SIPA1L1: variants seen among roughly 807,000 people sequenced by gnomAD.
SIPA1L1 encodes the protein signal induced proliferation associated 1 like 1, also known as signal-induced proliferation-associated 1-like protein 1.
A neutral mutation model predicts 162.7 loss-of-function variants in SIPA1L1; 26 were observed. The ratio of observed to expected loss-of-function variants is 0.16; its 90% CI spans 0.12 to 0.22. SIPA1L1 has a LOEUF of 0.22. SIPA1L1 is among the 10% of genes least tolerant of loss of function. SIPA1L1 has a pLI of 1.00. For missense variants in SIPA1L1, 1,874 were observed against 2,241.0 expected (o/e 0.84, Z 3.31); for synonymous variants, 829 against 837.4 (o/e 0.99, Z 0.17).
At chr14:71,737,530 C>T (rs2085410505) in intron 22 of SIPA1L1, among the ~76,000 whole-genome samples, 1 of 152,036 alleles carries the variant, frequency 6.6e-6, no homozygotes, top group Non-Finnish European at 1.5e-5. Flanking sequence ...CGTGCCCAGC[C>T]ATGCCGTCTG....
At chr14:71,401,704 T>A (rs981070454) in intron 2 of SIPA1L1, among the ~76,000 whole-genome samples, 3 of 152,072 alleles carry the variant, frequency 2.0e-5, no homozygotes, top group Non-Finnish European at 4.4e-5. Flanking sequence ...ACTAAAAATA[T>A]AAAATGTTAA....
intron 16 of SIPA1L1, among the ~76,000 whole-genome samples, chr14:71,706,741 G>A (rs1011688178): frequency 1.1e-4 from 16 of 152,138 alleles, no homozygotes; most frequent in African/African-American, 3.4e-4. Flanking sequence ...TCACTTTGAG[G>A]TGAAACTGGT....
intron 2 of SIPA1L1, among the ~76,000 whole-genome samples, chr14:71,469,530 A>G: frequency 6.6e-6 from 1 of 152,324 alleles, no homozygotes; most frequent in East Asian, 1.9e-4. Context: ...GCTGGAATGA[A>G]TGAGTGAGTG....
At chr14:71,322,969 T>C (rs755207465) in intron 2 of SIPA1L1, among the ~76,000 whole-genome samples, 1 of 152,252 alleles carries the variant, frequency 6.6e-6, no homozygotes, top group Non-Finnish European at 1.5e-5. Context: ...TGGAGGAGTC[T>C]ATGGCAAGGT....
chr14:71,552,460 C>T (rs1451579012), intron 4 of SIPA1L1, among the ~76,000 whole-genome samples: 3 of 151,058 alleles, frequency 2.0e-5, no homozygotes, highest in South Asian at 2.1e-4. Context: ...GGCACAATCT[C>T]GGCTCACTGC....
At chr14:71,488,665 A>G (rs529394625) in intron 2 of SIPA1L1, among the ~76,000 whole-genome samples, 58 of 152,332 alleles carry the variant, frequency 3.8e-4, no homozygotes, top group African/African-American at 1.3e-3. Context: ...ACAAAATTCA[A>G]AAGAAAACTC....
chr14:71,474,517 G>T (rs1426775441), intron 2 of SIPA1L1, among the ~76,000 whole-genome samples: 1 of 152,168 alleles, frequency 6.6e-6, no homozygotes, highest in East Asian at 1.9e-4. Flanking sequence ...TGATAAAGAA[G>T]ACAAAGCCTA....
chr14:71,572,314 A>T (rs920840102), intron 4 of SIPA1L1, among the ~76,000 whole-genome samples: 1 of 152,196 alleles, frequency 6.6e-6, no homozygotes, highest in Non-Finnish European at 1.5e-5. Context: ...TTCGGACCAT[A>T]GCAACCTTGA....
chr14:71,528,851 G>C (rs1406604085), intron 3 of SIPA1L1: 1 of 152,358 alleles, frequency 6.6e-6, no homozygotes, highest in African/African-American at 2.4e-5. Flanking sequence ...GGTGGCTCAT[G>C]CCTGTAATCC....
chr14:71,391,610 T>A (rs2040765385), intron 2 of SIPA1L1, among the ~76,000 whole-genome samples: 1 of 152,244 alleles, frequency 6.6e-6, no homozygotes, highest in Non-Finnish European at 1.5e-5. Flanking sequence ...TAAAGGTCAG[T>A]GCTAGCCAAG....
rs1158626436 is a variant in SIPA1L1, at chr14:71,590,037, AAAAAAAAATATATATAT to A, written c.1498+669_1498+685del. Among the ~76,000 whole-genome samples, 5 of 73,638 alleles carry A rather than the reference AAAAAAAAATATATATAT, an allele frequency of 6.8e-5. No individual in the cohort carries two copies. The South Asian group carries it at 1.8e-3, about 26-fold the overall frequency. 48.3% of individuals were successfully genotyped at this position (73,638 alleles called of 152,430 possible). On this transcript the variant is annotated intron_variant, in intron 5 of 23. Coordinates refer to ENST00000381232, the MANE Select transcript of SIPA1L1 (RefSeq NM_001386936.1). ...GTGGGAGAGTAAAAAAAAAAAAAAA[AAAAAAAAATATATATAT>A]ATATATATATATATATATATATGTA...
chr14:71,331,414 C>T lies in SIPA1L1; in HGVS notation c.-465+10233C>T, dbSNP rs528525608. 6.6e-4 allele frequency among the ~76,000 whole-genome samples: 100 copies of T among 152,256 alleles called. No homozygotes were observed. In the South Asian group the frequency reaches 7.9e-3, roughly 12 times the overall value. On this transcript the variant is annotated intron_variant, in intron 2 of 23. Transcript: ENST00000381232. The stretch of plus-strand genomic sequence containing the variant: ...AGAATTTTTCCTGTTTTTGAAGGAT[C>T]GAGACACACTTAGAGAATGAGGTAA...
chr14:71,389,421 TTGA>T (rs1234619775), intron 2 of SIPA1L1, among the ~76,000 whole-genome samples: 1 of 152,210 alleles, frequency 6.6e-6, no homozygotes, highest in Admixed American at 6.5e-5. Flanking sequence ...AGATACATGA[TTGA>T]TGATCATTGC....
rs185177879 is a variant in SIPA1L1 at position 71,385,229 on chromosome 14, T to G, written c.-465+64048T>G. ...GTGCCCAACAGGGTAGAGACAGTCTTCCTCAACATGGTCAAGGTCATAACT... is the reference window on the plus strand; with the variant it reads ...GTGCCCAACAGGGTAGAGACAGTCTGCCTCAACATGGTCAAGGTCATAACT... On this transcript the variant is annotated intron_variant, in intron 2 of 23. Coordinates refer to ENST00000381232, the MANE Select transcript of SIPA1L1 (RefSeq NM_001386936.1). 7.4e-4 allele frequency among the ~76,000 whole-genome samples: 112 copies of G among 152,316 alleles called. 2 individuals carry two copies. In the East Asian group the frequency reaches 8.7e-3, roughly 12 times the overall value.
chr14:71,562,013 T>C (rs2056835093), intron 4 of SIPA1L1, among the ~76,000 whole-genome samples: 1 of 152,182 alleles, frequency 6.6e-6, no homozygotes, highest in Admixed American at 6.5e-5. Context: ...ACATTCTTGG[T>C]GTAGAATATT....
At chr14:71,360,896 T>C (rs1324928046) in intron 2 of SIPA1L1, among the ~76,000 whole-genome samples, 1 of 152,200 alleles carries the variant, frequency 6.6e-6, no homozygotes, top group Non-Finnish European at 1.5e-5. Flanking sequence ...AAGAAAGGAT[T>C]GTTATTTATG....
intron 2 of SIPA1L1, among the ~76,000 whole-genome samples, chr14:71,490,039 A>G (rs1301186120): frequency 1.3e-5 from 2 of 152,248 alleles, no homozygotes; most frequent in Admixed American, 1.3e-4. Flanking sequence ...TGTTAAACAG[A>G]TATGTTAATA....
intron 2 of SIPA1L1, among the ~76,000 whole-genome samples, chr14:71,354,382 A>T (rs2037031107): frequency 6.7e-6 from 1 of 149,356 alleles, no homozygotes; most frequent in Non-Finnish European, 1.5e-5. Context: ...GGTTCAAGTG[A>T]TTTTCCCTCT....
intron 6 of SIPA1L1, 60 bp from the exon 7 acceptor site, chr14:71,623,988 A>T: frequency 1.4e-6 from 2 of 1,424,920 alleles, no homozygotes; most frequent in Non-Finnish European, 1.9e-6. Flanking sequence ...CAGTGCATGT[A>T]CATGTGTTCA....
Sources: allele counts gnomAD v4.1 joint callset (sites outside exome capture counted in the v4.1 genomes callset), GRCh38; gene constraint gnomAD v4.1.1; transcripts MANE v1.5; gene names NCBI Gene and HGNC (gene_info 2026-07-23, HGNC 2026-07-21).